RO60: variants seen among roughly 807,000 people sequenced by gnomAD.
RO60 encodes the protein Ro60, Y RNA binding protein.
A neutral mutation model predicts 55.3 loss-of-function variants in RO60; 20 were observed. That is an observed-to-expected ratio of 0.36 (90% CI 0.25 to 0.53). RO60 has a LOEUF of 0.53. RO60 is among the 20% of genes least tolerant of loss of function. The pLI, the probability that RO60 is intolerant of heterozygous loss-of-function variation, is 0.92. For synonymous variants in RO60, 213 were observed against 213.6 expected (o/e 1.00, Z 0.02); for missense variants, 558 against 646.6 (o/e 0.86, Z 1.49).
rs1385490350 is a variant in RO60 at position 193,059,647 on chromosome 1, G to C, written c.-151G>C. On this transcript the variant is annotated 5_prime_UTR_variant, in exon 1 of 9. Coordinates refer to ENST00000400968, the MANE Select transcript of RO60 (RefSeq NM_001173524.2). The surrounding 1 kb of genome is among the most constrained non-coding windows in gnomAD (Gnocchi z 4.9). ...GGGAACCGAACCTGGAATCCCCGGC[G>C]GCAGTGGGGCTGTTGCTGTTGCTGT... The C allele has an allele frequency of 7.2e-7, 1 of 1,388,598 alleles. No individual in the cohort carries two copies. The highest frequency in any genetic ancestry group is 9.6e-7 in the Non-Finnish European group (1 of 1,037,880). The allele number at this position is 1,388,598 out of a possible 1,614,324, so 86.0% of individuals were successfully genotyped here. A position where few individuals can be genotyped will look rare whatever the true frequency, so the allele number is the denominator to read the frequency against.
chr1:193,068,472 A>G (rs535328710), intron 1 of RO60, among the ~76,000 whole-genome samples: 84 of 152,318 alleles, frequency 5.5e-4, no homozygotes, highest in Non-Finnish European at 5.1e-4. Context: ...AGAAGAGGAG[A>G]AGAGAGAAGG....
Position 193,071,527 on chromosome 1 carries a change from C to G in RO60, c.580+1893C>G, listed in dbSNP as rs140727598. 4.4e-4 allele frequency among the ~76,000 whole-genome samples: 67 copies of G among 151,960 alleles called. No homozygotes were observed. In the East Asian group the frequency reaches 0.012, roughly 28 times the overall value. On this transcript the variant is annotated intron_variant, in intron 2 of 8. Coordinates refer to ENST00000400968, the MANE Select transcript of RO60 (RefSeq NM_001173524.2). ...TGTTTCTGGTTTTTTTATACTGTTA[C>G]AAAAATACTACAATGAAAACACTTG...
At chr1:193,062,005 C>T (rs1220029391) in intron 1 of RO60, among the ~76,000 whole-genome samples, 1 of 150,834 alleles carries the variant, frequency 6.6e-6, no homozygotes, top group Non-Finnish European at 1.5e-5. Context: ...AAAAAGTGTC[C>T]ATGCTTTTAA....
intron 1 of RO60, chr1:193,060,267 G>A: frequency 2.6e-6 from 1 of 383,014 alleles, no homozygotes; most frequent in Non-Finnish European, 4.6e-6. Flanking sequence ...GATGCGGTGC[G>A]TCAAGGGAAA....
At chr1:193,083,573 T>C (rs1014080103) in intron 8 of RO60, among the ~76,000 whole-genome samples, 24 of 152,248 alleles carry the variant, frequency 1.6e-4, no homozygotes, top group African/African-American at 5.8e-4. Context: ...AAAGTGTGGT[T>C]TCCCTACCAG....
chr1:193,081,552 A>G, intron 6 of RO60, 72 bp downstream of exon 6: 1 of 786,266 alleles, frequency 1.3e-6, no homozygotes, highest in South Asian at 1.7e-5. Flanking sequence ...AAGATTAATA[A>G]TGATTAAGAA....
intron 1 of RO60, among the ~76,000 whole-genome samples, chr1:193,065,669 C>T (rs567296636): frequency 2.8e-5 from 2 of 70,620 alleles, no homozygotes; most frequent in African/African-American, 1.1e-4. Flanking sequence ...AGATAAAAGC[C>T]AAATTTGAAA....
chr1:193,086,976 T>A lies in RO60; in HGVS notation c.*2245T>A, dbSNP rs541522110. On this transcript the variant is annotated 3_prime_UTR_variant, in exon 9 of 9. Coordinates refer to ENST00000400968, the MANE Select transcript of RO60 (RefSeq NM_001173524.2). Reference sequence around the variant, plus strand: ...ATTTTGAAGTACTATAACCTAGAAATCTTGGTCTCTTCATTCCTGTGCCAG... The same window carrying A: ...ATTTTGAAGTACTATAACCTAGAAAACTTGGTCTCTTCATTCCTGTGCCAG... 1 of 152,248 alleles carries A rather than the reference T, an allele frequency of 6.6e-6. No homozygotes were observed. Among genetic ancestry groups the A allele is most frequent in the South Asian group, 2.1e-4 (1 of 4,822 alleles). The allele number at this position is 152,248 out of a possible 1,614,324, so 9.4% of individuals were successfully genotyped here.
intron 8 of RO60, 35 bp downstream of exon 8, chr1:193,082,743 T>A: frequency 6.6e-7 from 1 of 1,522,636 alleles, no homozygotes; most frequent in South Asian, 1.2e-5. Flanking sequence ...CTCACCCAAA[T>A]AATATTATTT....
intron 5 of RO60, among the ~76,000 whole-genome samples, chr1:193,077,382 T>C (rs1673998498): frequency 6.6e-6 from 1 of 152,190 alleles, no homozygotes; most frequent in African/African-American, 2.4e-5. Context: ...GGCTCATGGT[T>C]CCACAGGTTG....
At position 193,082,608 on chromosome 1, in the gene RO60, A is replaced by T. The variant is rs772899910; in HGVS notation, c.1364A>T (p.Gln455Leu). 1.2e-6 allele frequency: 2 copies of T among 1,614,046 alleles called. No individual in the cohort carries two copies. Among genetic ancestry groups the T allele is most frequent in the South Asian group, 2.2e-5 (2 of 91,082 alleles). The change falls in exon 8 of 9, where the codon CAG (glutamine) becomes CTG (leucine). Residue 455 changes from glutamine (Q) to leucine (L), a missense_variant. By Grantham distance (113) the Gln-to-Leu change is moderately radical. Coordinates refer to ENST00000400968, the MANE Select transcript of RO60 (RefSeq NM_001173524.2). ...TGCTCTCTTCCAATGATCTGGGCTC[A>T]GAAGACAAACACACCTGCTGATGTC... is the stretch of plus-strand genomic sequence containing the variant. ...TDCSLPMIWA[Q>L]KTNTPADVFI...
rs937755928 is a variant in RO60, at chr1:193,086,341, A to C, written c.*1610A>C. 2.6e-5 allele frequency: 4 copies of C among 152,324 alleles called. No homozygotes were observed. The highest frequency in any genetic ancestry group is 9.6e-5 in the African/African-American group (4 of 41,572). 9.4% of individuals were successfully genotyped at this position (152,324 alleles called of 1,614,324 possible). A position where few individuals can be genotyped will look rare whatever the true frequency, so the allele number is the denominator to read the frequency against. ...GATATGTACCCATTCCTTCAAGGCA[A>C]CTGGTATCAGTTTTTAAGTGTGATT... is the stretch of plus-strand genomic sequence containing the variant. On this transcript the variant is annotated 3_prime_UTR_variant, in exon 9 of 9. Coordinates refer to ENST00000400968, the MANE Select transcript of RO60 (RefSeq NM_001173524.2).
chr1:193,077,113 C>A, intron 5 of RO60, 63 bp downstream of exon 5: 1 of 1,454,082 alleles, frequency 6.9e-7, no homozygotes, highest in Non-Finnish European at 9.3e-7. Flanking sequence ...TGTAATAATA[C>A]ATTTTAAAGG....
chr1:193,072,413 TTTC>T (rs1297362689), intron 2 of RO60, among the ~76,000 whole-genome samples: 1 of 152,054 alleles, frequency 6.6e-6, no homozygotes, highest in Non-Finnish European at 1.5e-5. Flanking sequence ...GCATGCATTT[TTTC>T]TTCTTTTTTT....
Position 193,069,525 on chromosome 1 carries a change from T to C in RO60, c.471T>C (p.Asn157=). The C allele has an allele frequency of 6.2e-7, 1 of 1,614,134 alleles. No homozygotes were observed. The highest frequency in any genetic ancestry group is 1.3e-5 in the African/African-American group (1 of 75,026). The change falls in exon 2 of 9, where the codon AAT becomes AAC. Residue 157 remains asparagine, a synonymous_variant. Transcript: ENST00000400968. ...GGAAGGCTATAGCGGACTGGTACAA[T>C]GAGAAAGGTGGCATGGCCCTTGCTC... ...ALRKAIADWY[N]EKGGMALALA...
At chr1:193,082,102 C>A (rs1045267032) in intron 6 of RO60, 84 bp from the exon 7 acceptor site, 21 of 850,870 alleles carry the variant, frequency 2.5e-5, no homozygotes, top group Admixed American at 7.5e-5. Flanking sequence ...ATCAGTGTTT[C>A]TTTTAAACAT....
rs1674611823 is a variant in RO60 at position 193,086,067 on chromosome 1, TATTA to T, written c.*1340_*1343del. ...GTTTGCGTATCTGTTGTTCTCTAAA[TATTA>T]ATTGAAGATTTACTGAGGATTTGTA... On this transcript the variant is annotated 3_prime_UTR_variant, in exon 9 of 9. Transcript: ENST00000400968. 7 of 969,348 alleles carry T rather than the reference TATTA, an allele frequency of 7.2e-6. No individual in the cohort carries two copies. In the Middle Eastern group the frequency reaches 2.1e-3, roughly 290 times the overall value. The allele number at this position is 969,348 out of a possible 1,614,324, so 60.0% of individuals were successfully genotyped here. A position where few individuals can be genotyped will look rare whatever the true frequency, so the allele number is the denominator to read the frequency against.
rs1159528387 is a variant in RO60, at chr1:193,059,965, G to A, written c.-22+189G>A. On this transcript the variant is annotated intron_variant, in intron 1 of 8. Coordinates refer to ENST00000400968, the MANE Select transcript of RO60 (RefSeq NM_001173524.2). The surrounding 1 kb of genome is among the most constrained non-coding windows in gnomAD (Gnocchi z 4.9). Reference sequence around the variant, plus strand: ...CCTGGGTAACGGAACCAGCATCGCGGTAGGGACATCCTCGCTAGGCCCGGC... The same window carrying A: ...CCTGGGTAACGGAACCAGCATCGCGATAGGGACATCCTCGCTAGGCCCGGC... 22 of 1,366,494 alleles carry A rather than the reference G, an allele frequency of 1.6e-5. No homozygotes were observed. The highest frequency in any genetic ancestry group is 2.2e-5 in the Non-Finnish European group (22 of 1,021,824). 84.6% of individuals were successfully genotyped at this position (1,366,494 alleles called of 1,614,324 possible). A position where few individuals can be genotyped will look rare whatever the true frequency, so the allele number is the denominator to read the frequency against.
At chr1:193,064,907 C>T (rs1317177713) in intron 1 of RO60, among the ~76,000 whole-genome samples, 1 of 152,136 alleles carries the variant, frequency 6.6e-6, no homozygotes, top group East Asian at 1.9e-4. Context: ...TACCTGAATA[C>T]CTAATATTAA....
Sources: gnomAD v4.1 joint callset for allele counts (sites outside exome capture counted in the v4.1 genomes callset) on GRCh38, gnomAD v4.1.1 for gene constraint, Gnocchi (gnomAD v3.1) non-coding constraint, MANE v1.5 for transcripts, NCBI Gene and HGNC (gene_info 2026-07-23, HGNC 2026-07-21) for gene names.